The following ANO3 variants were observed in gnomAD, a reference collection of about 807,000 sequenced individuals.
ANO3 encodes anoctamin-3.
A neutral mutation model predicts 144.8 loss-of-function variants in ANO3; 99 were observed. The observed-to-expected ratio is 0.68, with a 90% CI of 0.58 to 0.81. The LOEUF is 0.81. ANO3 is among the 30% of genes least tolerant of loss of function. The pLI is 0.00. For missense variants in ANO3, 905 were observed against 1,202.2 expected (o/e 0.75, Z 3.66); for synonymous variants, 414 against 392.6 (o/e 1.05, Z -0.64).
intron 1 of ANO3, among the ~76,000 whole-genome samples, chr11:26,315,743 A>C (rs117077211): frequency 2.0e-5 from 3 of 152,006 alleles, no homozygotes; most frequent in Non-Finnish European, 2.9e-5. Flanking sequence ...CTACCTAGCT[A>C]TCTCACTTTA....
chr11:26,220,026 A>T (rs747029138), intron 1 of ANO3, among the ~76,000 whole-genome samples: 11 of 152,182 alleles, frequency 7.2e-5, no homozygotes, highest in Non-Finnish European at 1.6e-4. Flanking sequence ...AGGATATTGC[A>T]TTCTCAATCC....
intron 1 of ANO3, among the ~76,000 whole-genome samples, chr11:26,310,358 C>A (rs1397729702): frequency 3.3e-5 from 5 of 152,102 alleles, no homozygotes; most frequent in Non-Finnish European, 7.4e-5. Flanking sequence ...TAATCAATTA[C>A]ATTATCAAGG....
At chr11:26,455,026 C>G (rs1302424226) in intron 3 of ANO3, among the ~76,000 whole-genome samples, 1 of 151,316 alleles carries the variant, frequency 6.6e-6, no homozygotes, top group Non-Finnish European at 1.5e-5. Context: ...TTCAACAACA[C>G]TTCATGCTAA....
At chr11:26,551,951 A>G (rs1027109939) in intron 12 of ANO3, among the ~76,000 whole-genome samples, 8 of 151,994 alleles carry the variant, frequency 5.3e-5, no homozygotes, top group African/African-American at 1.7e-4. Context: ...ATAAATTATT[A>G]CTTGATAGAA....
At chr11:26,293,780 C>T (rs1420021645) in intron 1 of ANO3, among the ~76,000 whole-genome samples, 1 of 151,876 alleles carries the variant, frequency 6.6e-6, no homozygotes, top group Admixed American at 6.6e-5. Context: ...CATCTACTTA[C>T]ATGTCCTTGT....
At chr11:26,452,217 A>G (rs952896284) in intron 3 of ANO3, among the ~76,000 whole-genome samples, 1 of 152,274 alleles carries the variant, frequency 6.6e-6, no homozygotes, top group African/African-American at 2.4e-5. Flanking sequence ...CCAGCAATGG[A>G]ACAAAGCTGG....
At chr11:26,268,044 C>A (rs1318472216) in intron 1 of ANO3, among the ~76,000 whole-genome samples, 1 of 152,056 alleles carries the variant, frequency 6.6e-6, no homozygotes, top group Non-Finnish European at 1.5e-5. Flanking sequence ...TACCTACATT[C>A]CATGTTACAT....
chr11:26,302,801 C>T (rs116584171), intron 1 of ANO3, among the ~76,000 whole-genome samples: 3,057 of 152,062 alleles, frequency 0.02, 92 homozygotes, highest in African/African-American at 0.066. Context: ...GATGCTATCA[C>T]GCAAAAACTA....
chr11:26,351,308 C>T (rs1855639655), intron 1 of ANO3, among the ~76,000 whole-genome samples: 1 of 151,858 alleles, frequency 6.6e-6, no homozygotes, highest in South Asian at 2.1e-4. Context: ...TTTAACTTAC[C>T]CTGCTCTGTT....
intron 1 of ANO3, among the ~76,000 whole-genome samples, chr11:26,216,936 T>C (rs1852045958): frequency 6.6e-6 from 1 of 152,078 alleles, no homozygotes. Context: ...TTGTAGAGTT[T>C]TGAGAGTTTT....
chr11:26,655,491 A>C (rs1853657054), intron 24 of ANO3, among the ~76,000 whole-genome samples: 1 of 152,176 alleles, frequency 6.6e-6, no homozygotes, highest in Admixed American at 6.6e-5. Context: ...TGCTGACTTA[A>C]CAATATCCCA....
intron 11 of ANO3, among the ~76,000 whole-genome samples, chr11:26,544,269 T>TACAC (rs1400464024): frequency 3.9e-5 from 3 of 76,940 alleles, no homozygotes; most frequent in African/African-American, 9.0e-5. Flanking sequence ...TATATATATA[T>TACAC]ATATACACAC....
intron 17 of ANO3, among the ~76,000 whole-genome samples, chr11:26,616,924 C>T (rs867976317): frequency 6.6e-6 from 1 of 152,240 alleles, no homozygotes; most frequent in South Asian, 2.1e-4. Context: ...AGGCGCACGC[C>T]ATCATGCCCA....
At chr11:26,341,806 G>A (rs1564973449) in intron 1 of ANO3, among the ~76,000 whole-genome samples, 7 of 152,178 alleles carry the variant, frequency 4.6e-5, no homozygotes. Flanking sequence ...ACTGGTGTAA[G>A]TCCAAGAGTC....
At chr11:26,545,725 AAAC>A (rs1410015214) in intron 11 of ANO3, among the ~76,000 whole-genome samples, 5 of 135,428 alleles carry the variant, frequency 3.7e-5, no homozygotes, top group Admixed American at 2.3e-4. Context: ...AAAAAAAAAA[AAAC>A]AGATAAAAAC....
At chr11:26,652,815 C>A (rs1364558365) in intron 24 of ANO3, among the ~76,000 whole-genome samples, 1 of 152,182 alleles carries the variant, frequency 6.6e-6, no homozygotes, top group Non-Finnish European at 1.5e-5. Context: ...CCCCATGGCT[C>A]CGTTGAGATG....
chr11:26,660,481 TG>T lies in ANO3; in HGVS notation c.*40del. The T allele has an allele frequency of 1.9e-6, 3 of 1,541,282 alleles. No homozygotes were observed. In the East Asian group the frequency reaches 6.9e-5, roughly 36 times the overall value. On this transcript the variant is annotated 3_prime_UTR_variant, in exon 27 of 27. Coordinates refer to ENST00000256737, the MANE Select transcript of ANO3 (RefSeq NM_031418.4). ...TACCCATTAGGGGTGATAACATTAATGGGAAGAAATGATGGCAACTTTGAAT... is the reference window on the plus strand; with the variant it reads ...TACCCATTAGGGGTGATAACATTAATGGAAGAAATGATGGCAACTTTGAAT...
chr11:26,286,460 A>G (rs573515829), intron 1 of ANO3, among the ~76,000 whole-genome samples: 11 of 152,356 alleles, frequency 7.2e-5, no homozygotes, highest in South Asian at 6.2e-4. Flanking sequence ...CCAGGCATTC[A>G]TCATTTTTTA....
chr11:26,509,051 G>T (rs910543998), intron 5 of ANO3, among the ~76,000 whole-genome samples: 4 of 149,240 alleles, frequency 2.7e-5, no homozygotes, highest in African/African-American at 9.8e-5. Flanking sequence ...CACAAAATTA[G>T]CCATGATATA....
Sources: allele counts gnomAD v4.1 joint callset (sites outside exome capture counted in the v4.1 genomes callset), GRCh38; gene constraint gnomAD v4.1.1; transcripts MANE v1.5; gene names NCBI Gene and HGNC (gene_info 2026-07-23, HGNC 2026-07-21).